Variants in TENM2 observed in about 807,000 individuals in gnomAD.
TENM2 encodes teneurin-2.
Under a neutral mutation model 245.2 loss-of-function variants are expected in TENM2, and 52 were observed. The observed-to-expected ratio is 0.21, with a 90% CI of 0.17 to 0.27. The LOEUF (loss-of-function observed/expected upper bound fraction) is 0.27, where lower values mean the gene tolerates loss of function less well. Among genes scored for constraint, TENM2 ranks in the 10% least tolerant of loss-of-function variants. The pLI is 1.00. For missense variants in TENM2, 3,046 were observed against 3,666.8 expected (o/e 0.83, Z 4.37); for synonymous variants, 1,363 against 1,438.9 (o/e 0.95, Z 1.19).
the TENM2 span, among the ~76,000 whole-genome samples, chr5:167,176,048 A>G: frequency 1.3e-5 from 2 of 152,214 alleles, no homozygotes; most frequent in Admixed American, 6.5e-5. Flanking sequence ...CTTTCCACGA[A>G]GTTGCCAGGT....
intron 1 of TENM2, among the ~76,000 whole-genome samples, chr5:167,338,770 A>G (rs1247475393): frequency 6.6e-6 from 1 of 152,190 alleles, no homozygotes; most frequent in Non-Finnish European, 1.5e-5. Flanking sequence ...TCTGGAGGCT[A>G]GAAGTCTCAG....
chr5:167,021,254 A>C, the TENM2 span, among the ~76,000 whole-genome samples: 2 of 152,242 alleles, frequency 1.3e-5, no homozygotes, highest in Non-Finnish European at 2.9e-5. Flanking sequence ...GTCGTTAAGA[A>C]GTAAGTAAGA....
chr5:166,993,760 C>T, the TENM2 span, among the ~76,000 whole-genome samples: 2 of 152,240 alleles, frequency 1.3e-5, no homozygotes, highest in Admixed American at 6.5e-5. Context: ...GTGATAAAGG[C>T]GTCTAATTTA....
the TENM2 span, among the ~76,000 whole-genome samples, chr5:167,134,659 T>G: frequency 6.6e-6 from 1 of 152,342 alleles, no homozygotes; most frequent in Admixed American, 6.5e-5. Flanking sequence ...AGACCTACCA[T>G]TATTCAGCTT....
At chr5:167,639,102 A>G (rs1323043491) in intron 2 of TENM2, among the ~76,000 whole-genome samples, 2 of 152,172 alleles carry the variant, frequency 1.3e-5, no homozygotes, top group African/African-American at 4.8e-5. Flanking sequence ...TGCAATAATT[A>G]AGCACACTCT....
intron 9 of TENM2, among the ~76,000 whole-genome samples, chr5:168,105,442 C>T (rs1382443620): frequency 6.6e-6 from 1 of 152,110 alleles, no homozygotes; most frequent in Non-Finnish European, 1.5e-5. Context: ...GAAGGGGAAC[C>T]TGGGGCAGAG....
chr5:168,197,862 A>G (rs1277421655), intron 15 of TENM2, among the ~76,000 whole-genome samples: 1 of 152,182 alleles, frequency 6.6e-6, no homozygotes, highest in Non-Finnish European at 1.5e-5. Flanking sequence ...TAAGAAACGA[A>G]CAGAAATATA....
intron 2 of TENM2, among the ~76,000 whole-genome samples, chr5:167,548,255 T>C (rs1044051292): frequency 1.3e-5 from 2 of 152,228 alleles, no homozygotes; most frequent in African/African-American, 4.8e-5. Flanking sequence ...CTCTTTTGTG[T>C]TGACAGACTT....
At position 167,626,857 on chromosome 5, in the gene TENM2, AT is replaced by A. The variant is rs200761628; in HGVS notation, c.503-249128del. On this transcript the variant is annotated intron_variant, in intron 2 of 28. Transcript: ENST00000518659. ...AAGGACAGTCTGGTTCTGTAGCTGC[AT>A]CCCCAAAGGCAGTAACACCGGGGCC... Among the ~76,000 whole-genome samples the A allele has an allele frequency of 7.3e-3, 1,108 of 152,272 alleles. 8 individuals are homozygous for A. The highest frequency in any genetic ancestry group is 0.011 in the Non-Finnish European group (764 of 68,018).
chr5:167,410,597 T>G (rs10043275), intron 2 of TENM2, among the ~76,000 whole-genome samples: 104,016 of 151,760 alleles, frequency 0.69, 35,937 homozygotes, highest in Admixed American at 0.74. Flanking sequence ...ATTTGCCAGA[T>G]ATTCTCCCCA....
the TENM2 span, among the ~76,000 whole-genome samples, chr5:167,082,451 T>A: frequency 6.6e-6 from 1 of 151,754 alleles, no homozygotes; most frequent in Non-Finnish European, 1.5e-5. Context: ...GCTCAGCTAA[T>A]TTTTTTTGCA....
intron 2 of TENM2, among the ~76,000 whole-genome samples, chr5:167,434,063 A>T (rs35828091): frequency 0.25 from 37,799 of 152,096 alleles, 5,321 homozygotes; most frequent in African/African-American, 0.36. Flanking sequence ...TACATTTCAG[A>T]TATCCTACTA....
the TENM2 span, among the ~76,000 whole-genome samples, chr5:167,068,393 C>T: frequency 3.3e-5 from 5 of 152,130 alleles, no homozygotes; most frequent in African/African-American, 7.2e-5. Flanking sequence ...GAGCCACATG[C>T]GTTATTGTAA....
intron 2 of TENM2, among the ~76,000 whole-genome samples, chr5:167,752,582 G>T (rs1762034053): frequency 1.3e-5 from 2 of 152,162 alleles, no homozygotes; most frequent in African/African-American, 4.8e-5. Context: ...CTGCTGAAAA[G>T]AAGTAGGCTA....
intron 1 of TENM2, among the ~76,000 whole-genome samples, chr5:167,326,898 T>C (rs1716527269): frequency 6.6e-6 from 1 of 151,816 alleles, no homozygotes; most frequent in Non-Finnish European, 1.5e-5. Context: ...GTAAGCTGCA[T>C]GCTATTAGAG....
At chr5:168,094,840 G>C (rs371198035) in intron 8 of TENM2, among the ~76,000 whole-genome samples, 1 of 152,238 alleles carries the variant, frequency 6.6e-6, no homozygotes, top group Admixed American at 6.5e-5. Context: ...TTTATTTACA[G>C]TTGCTCTTCA....
intron 9 of TENM2, among the ~76,000 whole-genome samples, chr5:168,103,884 C>G (rs2152294089): frequency 6.6e-6 from 1 of 152,306 alleles, no homozygotes; most frequent in South Asian, 2.1e-4. Context: ...CCTGAGCCAA[C>G]AGAATGAGGT....
chr5:167,104,558 G>A, the TENM2 span, among the ~76,000 whole-genome samples: 7 of 152,132 alleles, frequency 4.6e-5, no homozygotes, highest in South Asian at 2.1e-4. Context: ...CCTTGTAAAG[G>A]GTAATTGCAT....
chr5:166,979,805 T>C, the TENM2 span, among the ~76,000 whole-genome samples: 1 of 152,044 alleles, frequency 6.6e-6, no homozygotes, highest in Non-Finnish European at 1.5e-5. Flanking sequence ...GAAAGATTGC[T>C]AGAGCAGACT....
Sources: gnomAD v4.1 joint callset for allele counts (sites outside exome capture counted in the v4.1 genomes callset) on GRCh38, gnomAD v4.1.1 for gene constraint, MANE v1.5 for transcripts, NCBI Gene and HGNC (gene_info 2026-07-23, HGNC 2026-07-21) for gene names.